The following EEF1D variants were observed in gnomAD, a reference collection of about 807,000 sequenced individuals.
The protein encoded by EEF1D is eukaryotic translation elongation factor 1 delta.
In EEF1D, 47 loss-of-function variants were observed where a neutral mutation model predicts 63.9. The observed-to-expected ratio is 0.74, with a 90% confidence interval of 0.58 to 0.94. The LOEUF (loss-of-function observed/expected upper bound fraction) is 0.94, where lower values mean the gene tolerates loss of function less well. Ranked by LOEUF, EEF1D falls within the 40% of genes least tolerant of loss-of-function variation. EEF1D has a pLI of 0.00. For synonymous variants in EEF1D, 412 were observed against 386.1 expected (o/e 1.07, Z -0.79); for missense variants, 907 against 899.0 (o/e 1.01, Z -0.11).
At chr8:143,588,852 C>A (rs1270570246) in intron 3 of EEF1D, 139 bp downstream of exon 3, 4 of 1,182,822 alleles carry the variant, frequency 3.4e-6, no homozygotes, top group Non-Finnish European at 4.6e-6. Flanking sequence ...CTCCTGCATT[C>A]AACTCTGCTG....
chr8:143,584,405 A>G (rs1417132290), intron 5 of EEF1D, among the ~76,000 whole-genome samples: 6 of 145,248 alleles, frequency 4.1e-5, no homozygotes, highest in Non-Finnish European at 7.7e-5. Context: ...AAAAAAAAAA[A>G]GAAAAAAAAA....
chr8:143,587,844 G>C (rs1247488809), intron 3 of EEF1D, among the ~76,000 whole-genome samples: 1 of 152,218 alleles, frequency 6.6e-6, no homozygotes, highest in Admixed American at 6.5e-5. Flanking sequence ...TCTGTGGCCG[G>C]GGCCCAGACC....
At chr8:143,587,726 A>C (rs1440266357) in intron 3 of EEF1D, among the ~76,000 whole-genome samples, 3 of 152,272 alleles carry the variant, frequency 2.0e-5, no homozygotes. Context: ...TTGCTGCCCT[A>C]GACAGGGACC....
chr8:143,594,897 GT>G (rs33967841), intron 1 of EEF1D, among the ~76,000 whole-genome samples: 111,215 of 152,072 alleles, frequency 0.73, 42,430 homozygotes, highest in Non-Finnish European at 0.85. Context: ...GTCTTCCTGC[GT>G]GGAGTGAGGC....
chr8:143,592,406 G>A (rs928195002), intron 2 of EEF1D, among the ~76,000 whole-genome samples: 3 of 151,788 alleles, frequency 2.0e-5, no homozygotes, highest in Admixed American at 1.3e-4. Flanking sequence ...GCAGGGAGCC[G>A]CATGTCAGCT....
Position 143,589,752 on chromosome 8 carries a change from G to A in EEF1D, c.330C>T (p.Arg110=), listed in dbSNP as rs3812448. The change falls in exon 3 of 10, where the codon CGC becomes CGT. Residue 110 remains arginine, a synonymous_variant. Transcript: ENST00000618139. ...DLALLGLSAE[R]VWLDKSLFDQ... is the part of the protein sequence containing the mutation. ...CGAAAAGTGACTTGTCCAGCCACACGCGTTCGGCCGAGAGGCCCAGGAGGG... is the reference window on the plus strand; with the variant it reads ...CGAAAAGTGACTTGTCCAGCCACACACGTTCGGCCGAGAGGCCCAGGAGGG... 1,247,088 of 1,531,286 alleles carry A rather than the reference G, an allele frequency of 0.81. 515,718 individuals carry two copies. The highest frequency in any genetic ancestry group is 0.86 in the Non-Finnish European group (976,322 of 1,140,126). The allele number at this position is 1,531,286 out of a possible 1,614,324, so 94.9% of individuals were successfully genotyped here. A position where few individuals can be genotyped will look rare whatever the true frequency, so the allele number is the denominator to read the frequency against.
At position 143,588,834 on chromosome 8, in the gene EEF1D, T is replaced by G; in HGVS notation, c.1091+157A>C. 7.9e-6 allele frequency: 8 copies of G among 1,015,238 alleles called. No homozygotes were observed. The South Asian group carries it at 1.4e-4, about 17-fold the overall frequency. The allele number at this position is 1,015,238 out of a possible 1,614,324, so 62.9% of individuals were successfully genotyped here. A position where few individuals can be genotyped will look rare whatever the true frequency, so the allele number is the denominator to read the frequency against. ...CCCACAAGCGCAGCACCACCTTTAC[T>G]CAGCCTGCTCCTGCATTCAACTCTG... is the stretch of plus-strand genomic sequence containing the variant. On this transcript the variant is annotated intron_variant, in intron 3 of 9. Transcript: ENST00000618139.
rs773083780 is a variant in EEF1D at position 143,589,551 on chromosome 8, G to A, written c.531C>T (p.Phe177=). ...KSSFDQAERA[F]VEWSQALLLA... ...GCAACAGGGCCTGAGACCACTCCACGAAGGCCCGCTCAGCCTGGTCGAAGG... is the reference window on the plus strand; with the variant it reads ...GCAACAGGGCCTGAGACCACTCCACAAAGGCCCGCTCAGCCTGGTCGAAGG... The change falls in exon 3 of 10, where the codon TTC becomes TTT. Residue 177 remains phenylalanine, a synonymous_variant. Transcript: ENST00000618139. 16 of 1,514,090 alleles carry A rather than the reference G, an allele frequency of 1.1e-5. No homozygotes were observed. The highest frequency in any genetic ancestry group is 2.2e-5 in the Admixed American group (1 of 45,032). 93.8% of individuals were successfully genotyped at this position (1,514,090 alleles called of 1,614,324 possible). A position where few individuals can be genotyped will look rare whatever the true frequency, so the allele number is the denominator to read the frequency against.
intron 5 of EEF1D, among the ~76,000 whole-genome samples, chr8:143,584,577 AC>A (rs1230290912): frequency 1.3e-5 from 2 of 150,800 alleles, no homozygotes; most frequent in East Asian, 2.0e-4. Context: ...CAACTCACCC[AC>A]CCCCTCCAAA....
rs1827737201 is a variant in EEF1D, at chr8:143,590,347, G to T, written c.1-266C>A. 3 of 634,638 alleles carry T rather than the reference G, an allele frequency of 4.7e-6. No individual in the cohort carries two copies. In the East Asian group the frequency reaches 8.3e-5, roughly 18 times the overall value. 39.3% of individuals were successfully genotyped at this position (634,638 alleles called of 1,614,324 possible). On this transcript the variant is annotated intron_variant, in intron 2 of 9. Coordinates refer to ENST00000618139, the MANE Select transcript of EEF1D (RefSeq NM_001130053.5). Reference sequence around the variant, plus strand: ...TAATCTCAGTACTCTGGGAGGCCAAGTGCCTCCCAATACATGAACAATATA... The same window carrying T: ...TAATCTCAGTACTCTGGGAGGCCAATTGCCTCCCAATACATGAACAATATA...
At chr8:143,588,346 T>C (rs1216447683) in intron 3 of EEF1D, among the ~76,000 whole-genome samples, 1 of 152,060 alleles carries the variant, frequency 6.6e-6, no homozygotes, top group Non-Finnish European at 1.5e-5. Context: ...AGTCCAATCG[T>C]CCACCCACCT....
chr8:143,586,829 AG>A lies in EEF1D; in HGVS notation c.1114del (p.Leu372Ter), dbSNP rs1333517857. 6.2e-7 allele frequency: 1 copy of A among 1,614,132 alleles called. No homozygotes were observed. Among genetic ancestry groups the A allele is most frequent in the East Asian group, 2.2e-5 (1 of 44,890 alleles). On this transcript the variant is annotated frameshift_variant, in exon 4 of 10. Transcript: ENST00000618139. LOFTEE classifies it high-confidence loss of function. ...RPNRKMATNF[L>X]AHEKIWFDKF... ...GTCGAACCAGATCTTCTCATGTGCT[AG>A]GAAGTTTGTAGCCATTTTTCTGCTG...
rs1214918058 is a variant in EEF1D, at chr8:143,592,637, G to A, written c.-1+10C>T. 28 of 985,500 alleles carry A rather than the reference G, an allele frequency of 2.8e-5. No individual in the cohort carries two copies. The highest frequency in any genetic ancestry group is 3.1e-5 in the Non-Finnish European group (26 of 830,038). 61.0% of individuals were successfully genotyped at this position (985,500 alleles called of 1,614,324 possible). A position where few individuals can be genotyped will look rare whatever the true frequency, so the allele number is the denominator to read the frequency against. On this transcript the variant is annotated intron_variant, in intron 2 of 9. Coordinates refer to ENST00000618139, the MANE Select transcript of EEF1D (RefSeq NM_001130053.5). ...AGGGGAATGGGGCATGAGGACAGGC[G>A]AGTACTTACTTTGCTTTGGCCTCCT...
intron 3 of EEF1D, among the ~76,000 whole-genome samples, chr8:143,588,281 C>CCCTCGCCACCAGGAT: frequency 6.6e-6 from 1 of 152,192 alleles, no homozygotes; most frequent in Middle Eastern, 3.4e-3. Context: ...ACCACCAGGA[C>CCCTCGCCACCAGGAT]ACCCTCGCCA....
intron 5 of EEF1D, among the ~76,000 whole-genome samples, chr8:143,585,234 G>A (rs1405673651): frequency 6.6e-6 from 1 of 152,160 alleles, no homozygotes; most frequent in East Asian, 1.9e-4. Flanking sequence ...GATCCTGGGG[G>A]CCCAAAGCAA....
chr8:143,581,438 CAGGAGGTG>C lies in EEF1D; in HGVS notation c.1288-118_1288-111del, dbSNP rs1825543806. On this transcript the variant is annotated intron_variant, in intron 5 of 9. Transcript: ENST00000618139. Reference sequence around the variant, plus strand: ...GAAGGAAAACTACAGCTCGGGAGAGCAGGAGGTGCCCCCCGCTGATGCCCAGCTCAAAC... The same window carrying C: ...GAAGGAAAACTACAGCTCGGGAGAGCCCCCCCGCTGATGCCCAGCTCAAAC... 3.5e-5 allele frequency: 33 copies of C among 949,420 alleles called. No individual in the cohort carries two copies. In the South Asian group the frequency reaches 5.3e-4, roughly 15 times the overall value. 58.8% of individuals were successfully genotyped at this position (949,420 alleles called of 1,614,324 possible). A position where few individuals can be genotyped will look rare whatever the true frequency, so the allele number is the denominator to read the frequency against.
At chr8:143,595,465 A>C (rs961734856) in intron 1 of EEF1D, among the ~76,000 whole-genome samples, 2 of 151,970 alleles carry the variant, frequency 1.3e-5, no homozygotes, top group Non-Finnish European at 2.9e-5. Context: ...CGGCCTCCCA[A>C]AGTGCTGGGA....
intron 5 of EEF1D, among the ~76,000 whole-genome samples, chr8:143,585,118 G>A (rs568415479): frequency 3.3e-5 from 5 of 152,198 alleles, no homozygotes; most frequent in East Asian, 1.9e-4. Context: ...CGGCGCCCAC[G>A]TCCCAACCCC....
intron 3 of EEF1D, among the ~76,000 whole-genome samples, chr8:143,587,814 AGAG>A (rs1444331861): frequency 2.0e-5 from 3 of 152,248 alleles, no homozygotes; most frequent in Non-Finnish European, 4.4e-5. Context: ...GGCCAGCAGC[AGAG>A]GAGCTGGGCA....
Sources: gnomAD v4.1 joint callset for allele counts (sites outside exome capture counted in the v4.1 genomes callset) on GRCh38, gnomAD v4.1.1 for gene constraint, MANE v1.5 for transcripts, NCBI Gene and HGNC (gene_info 2026-07-23, HGNC 2026-07-21) for gene names.